GTF2A1L: variants seen among roughly 807,000 people sequenced by gnomAD.
GTF2A1L encodes general transcription factor IIA subunit 1 like.
In GTF2A1L, 48 loss-of-function variants were observed where a neutral mutation model predicts 49.7. The observed-to-expected ratio is 0.97, with a 90% confidence interval of 0.77 to 1.23. GTF2A1L has a LOEUF of 1.23. Among genes scored for constraint, GTF2A1L ranks in the 50% most tolerant of loss-of-function variants. GTF2A1L has a pLI of 0.00. For synonymous variants in GTF2A1L, 246 were observed against 193.5 expected, an observed-to-expected ratio of 1.27 and a Z score of -2.25; for missense variants, 736 against 564.8, an observed-to-expected ratio of 1.30 and a Z score of -3.07.
At chr2:48,642,526 G>C in intron 4 of GTF2A1L, 69 bp downstream of exon 4, 1 of 1,396,428 alleles carries the variant, frequency 7.2e-7, no homozygotes, top group Non-Finnish European at 9.8e-7. Flanking sequence ...GCAAAATGCT[G>C]AACATAGATG....
intron 6 of GTF2A1L, among the ~76,000 whole-genome samples, chr2:48,662,899 G>A (rs1302933202): frequency 2.0e-5 from 3 of 151,972 alleles, no homozygotes; most frequent in East Asian, 3.9e-4. Flanking sequence ...CAATGAACAC[G>A]GGAATAATTG....
At chr2:48,654,521 T>A (rs536397378) in intron 6 of GTF2A1L, among the ~76,000 whole-genome samples, 8 of 152,226 alleles carry the variant, frequency 5.3e-5, no homozygotes, top group Non-Finnish European at 4.4e-5. Context: ...AAGCTGGGAT[T>A]ACAGGTGCCC....
At chr2:48,676,823 A>G (rs1415549279) in intron 8 of GTF2A1L, among the ~76,000 whole-genome samples, 1 of 151,252 alleles carries the variant, frequency 6.6e-6, no homozygotes, top group Non-Finnish European at 1.5e-5. Flanking sequence ...ATCTATATCT[A>G]TATCTATATC....
intron 6 of GTF2A1L, among the ~76,000 whole-genome samples, chr2:48,652,330 G>A (rs1677893965): frequency 6.6e-6 from 1 of 152,066 alleles, no homozygotes; most frequent in Non-Finnish European, 1.5e-5. Context: ...AAAATGAAAA[G>A]CCAGGCCGGG....
At chr2:48,624,910 CTG>C (rs1292183367) in intron 3 of GTF2A1L, among the ~76,000 whole-genome samples, 3 of 143,162 alleles carry the variant, frequency 2.1e-5, no homozygotes, top group Non-Finnish European at 3.1e-5. Context: ...TCATATTCCT[CTG>C]TGTGTGTGTG....
intron 4 of GTF2A1L, among the ~76,000 whole-genome samples, chr2:48,644,806 T>C (rs1318328291): frequency 2.0e-5 from 3 of 152,224 alleles, no homozygotes; most frequent in Non-Finnish European, 4.4e-5. Context: ...CATTAGGACT[T>C]ACTAGCTTCA....
intron 6 of GTF2A1L, among the ~76,000 whole-genome samples, chr2:48,655,630 G>C (rs1338304478): frequency 2.6e-5 from 4 of 152,136 alleles, no homozygotes; most frequent in African/African-American, 7.2e-5. Flanking sequence ...ACATAGTATA[G>C]TATATCACTA....
At chr2:48,661,874 G>T (rs914757178) in intron 6 of GTF2A1L, among the ~76,000 whole-genome samples, 1 of 151,956 alleles carries the variant, frequency 6.6e-6, no homozygotes, top group African/African-American at 2.4e-5. Flanking sequence ...CTTTTGATTG[G>T]GGAGTTTAAT....
intron 3 of GTF2A1L, chr2:48,632,549 AT>A: frequency 6.5e-6 from 1 of 152,738 alleles, no homozygotes; most frequent in Non-Finnish European, 1.5e-5. Context: ...TGCCCAGCTA[AT>A]TTTTTTATTT....
In GTF2A1L at chr2:48,671,671, G is replaced by A; in HGVS notation, c.1320G>A (p.Gln440=). The change falls in exon 8 of 9, where the codon CAG becomes CAA. Residue 440 remains glutamine, a synonymous_variant. Coordinates refer to ENST00000403751, the MANE Select transcript of GTF2A1L (RefSeq NM_006872.5). ...ACACGGATAATGTTATTGTCTGTCA[G>A]TATGATAAGGTACTGTATTTACCTT... The part of the protein sequence containing the change: ...LFDTDNVIVC[Q]YDKIHRSKNK... 6.2e-7 allele frequency: 1 copy of A among 1,613,054 alleles called. No individual in the cohort carries two copies. Among genetic ancestry groups the A allele is most frequent in the Non-Finnish European group, 8.5e-7 (1 of 1,179,472 alleles).
chr2:48,673,080 C>T (rs890423338), intron 8 of GTF2A1L, among the ~76,000 whole-genome samples: 3 of 152,144 alleles, frequency 2.0e-5, no homozygotes, highest in Non-Finnish European at 4.4e-5. Context: ...TTTCACTTAG[C>T]ACAGTGTTTT....
intron 3 of GTF2A1L, among the ~76,000 whole-genome samples, chr2:48,641,888 T>G (rs1677216268): frequency 6.6e-6 from 1 of 152,150 alleles, no homozygotes; most frequent in Non-Finnish European, 1.5e-5. Context: ...TGCAGAGACT[T>G]GAGGAGACAT....
chr2:48,627,680 G>A (rs1410819042), intron 3 of GTF2A1L, among the ~76,000 whole-genome samples: 1 of 143,840 alleles, frequency 7.0e-6, no homozygotes, highest in African/African-American at 2.5e-5. Flanking sequence ...ATTCTTTCAA[G>A]TAAAAATGGT....
chr2:48,628,633 A>G (rs1676417922), intron 3 of GTF2A1L, among the ~76,000 whole-genome samples: 1 of 143,924 alleles, frequency 6.9e-6, no homozygotes, highest in Admixed American at 7.0e-5. Flanking sequence ...TCAGATGAGT[A>G]GTTCGTGAAT....
intron 3 of GTF2A1L, among the ~76,000 whole-genome samples, chr2:48,631,986 A>C (rs1192973532): frequency 6.6e-6 from 1 of 151,972 alleles, no homozygotes; most frequent in Non-Finnish European, 1.5e-5. Context: ...CTTGGTATAC[A>C]TTTGTTTTTG....
intron 4 of GTF2A1L, among the ~76,000 whole-genome samples, chr2:48,644,598 A>G (rs1572726862): frequency 1.3e-5 from 2 of 152,162 alleles, no homozygotes; most frequent in Non-Finnish European, 2.9e-5. Flanking sequence ...TTTTTGGTAT[A>G]TATATTGCAA....
chr2:48,666,908 C>CT (rs1678877254), intron 6 of GTF2A1L, among the ~76,000 whole-genome samples: 1 of 151,916 alleles, frequency 6.6e-6, no homozygotes, highest in South Asian at 2.1e-4. Context: ...CTAACTGTCT[C>CT]TGAGTCTGGT....
At chr2:48,640,491 A>G (rs960111717) in intron 3 of GTF2A1L, among the ~76,000 whole-genome samples, 1 of 150,300 alleles carries the variant, frequency 6.7e-6, no homozygotes, top group Non-Finnish European at 1.5e-5. Context: ...ATGAGAACTC[A>G]TGAACACAAG....
rs141046245 is a variant in GTF2A1L at position 48,660,917 on chromosome 2, A to C, written c.979-8805A>C. On this transcript the variant is annotated intron_variant, in intron 6 of 8. Coordinates refer to ENST00000403751, the MANE Select transcript of GTF2A1L (RefSeq NM_006872.5). ...CGGCCTCTCAGAGTGTTGTGATTAC[A>C]GGTGTGAGACACCATGGCCGACCCT... 2.7e-3 allele frequency among the ~76,000 whole-genome samples: 416 copies of C among 152,296 alleles called. 5 individuals carry two copies. The highest frequency in any genetic ancestry group is 9.7e-3 in the African/African-American group (405 of 41,560).
Sources: allele counts gnomAD v4.1 joint callset (sites outside exome capture counted in the v4.1 genomes callset), GRCh38; gene constraint gnomAD v4.1.1; transcripts MANE v1.5; gene names NCBI Gene and HGNC (gene_info 2026-07-23, HGNC 2026-07-21).